Variants in CRLF2 observed in about 807,000 individuals in gnomAD.
CRLF2 encodes cytokine receptor like factor 2, also known as cytokine receptor-like factor 2.
Under a neutral mutation model 38.7 loss-of-function variants are expected in CRLF2, and 41 were observed. That is an observed-to-expected ratio of 1.06 (90% confidence interval 0.83 to 1.37). The LOEUF (loss-of-function observed/expected upper bound fraction) is 1.37, where lower values mean the gene tolerates loss of function less well. CRLF2 is among the 40% of genes most tolerant of loss of function. The pLI is 0.00. For synonymous variants in CRLF2, 140 were observed against 128.8 expected (o/e 1.09, Z -0.59); for missense variants, 377 against 322.2 (o/e 1.17, Z -1.30).
At chrX:1,209,294 T>TTGTATTGTAGTGTAGTGTAGTGTAG (rs1556425210) in intron 1 of CRLF2, among the ~76,000 whole-genome samples, 4 of 142,524 alleles carry the variant, frequency 2.8e-5, no homozygotes, top group Middle Eastern at 3.7e-3. Context: ...TTGCATTGTA[T>TTGTATTGTAGTGTAGTGTAGTGTAG]TGTAGTGTAG....
At chrX:1,198,775 A>AC in intron 4 of CRLF2, 51 bp from the exon 5 acceptor site, 2 of 1,391,898 alleles carry the variant, frequency 1.4e-6, no homozygotes, top group Non-Finnish European at 2.0e-6. Context: ...ACACACACAC[A>AC]CACACACAAT....
chrX:1,206,170 G>A (rs1400268389), intron 3 of CRLF2, among the ~76,000 whole-genome samples: 3 of 152,064 alleles, frequency 2.0e-5, no homozygotes, highest in Admixed American at 1.3e-4. Context: ...ACGGTAATAA[G>A]CTGAAGGAAG....
At chrX:1,206,045 C>T (rs1166033137) in intron 3 of CRLF2, among the ~76,000 whole-genome samples, 2 of 151,818 alleles carry the variant, frequency 1.3e-5, no homozygotes, top group African/African-American at 4.8e-5. Context: ...CATGAGATTG[C>T]TTTTCGGTAC....
In CRLF2 at chrX:1,198,701, G is replaced by T. The variant is rs746685278; in HGVS notation, c.507C>A (p.Asn169Lys). The T allele has an allele frequency of 6.3e-7, 1 of 1,596,186 alleles. No individual in the cohort carries two copies. The highest frequency in any genetic ancestry group is 8.6e-7 in the Non-Finnish European group (1 of 1,169,228). ...CGGCATCCAAGCCTTCTATGGTGAC[G>T]TTGCAGGTATTTTCCTGTTTGGACT... ...EWQSKQENTC[N>K]VTIEGLDAEK... The change falls in exon 5 of 8, where the codon AAC (asparagine) becomes AAA (lysine). Residue 169 changes from asparagine to lysine, a missense_variant. Coordinates refer to ENST00000400841, the MANE Select transcript of CRLF2 (RefSeq NM_022148.4).
At chrX:1,200,494 A>G (rs1186473562) in intron 4 of CRLF2, among the ~76,000 whole-genome samples, 1 of 151,550 alleles carries the variant, frequency 6.6e-6, no homozygotes, top group Non-Finnish European at 1.5e-5. Flanking sequence ...AGCTGTGTAT[A>G]TAAGGTGCAT....
intron 7 of CRLF2, among the ~76,000 whole-genome samples, chrX:1,192,909 G>T (rs2147820486): frequency 6.6e-6 from 1 of 150,510 alleles, no homozygotes; most frequent in East Asian, 2.0e-4. Context: ...TGCCTCCACA[G>T]TTCAAGCGAT....
intron 6 of CRLF2, among the ~76,000 whole-genome samples, chrX:1,194,706 G>T (rs2086447831): frequency 6.6e-6 from 1 of 152,018 alleles, no homozygotes; most frequent in Non-Finnish European, 1.5e-5. Context: ...ACTAGGGAGG[G>T]TTCTGTTTCA....
At chrX:1,193,092 C>T (rs2086421771) in intron 7 of CRLF2, 126 bp downstream of exon 7, 2 of 390,544 alleles carry the variant, frequency 5.1e-6, no homozygotes, top group South Asian at 1.3e-4. Flanking sequence ...GGATGACAGG[C>T]GTGAGCCACT....
chrX:1,207,129 A>G (rs570710267), intron 2 of CRLF2, among the ~76,000 whole-genome samples: 1 of 150,860 alleles, frequency 6.6e-6, no homozygotes, highest in African/African-American at 2.4e-5. Context: ...TGTTTTTAAT[A>G]GAGATGGGAT....
intron 3 of CRLF2, among the ~76,000 whole-genome samples, chrX:1,203,611 G>A (rs769179205): frequency 3.3e-5 from 5 of 151,176 alleles, no homozygotes; most frequent in East Asian, 2.0e-4. Context: ...ACATGGAGAC[G>A]GAGGCAGAGA....
intron 4 of CRLF2, among the ~76,000 whole-genome samples, chrX:1,199,675 T>C (rs1319501768): frequency 6.6e-6 from 1 of 152,094 alleles, no homozygotes; most frequent in Non-Finnish European, 1.5e-5. Flanking sequence ...TATCAGTTTA[T>C]ACATATATAG....
rs2147815488 is a variant in CRLF2 at position 1,190,988 on chromosome X, T to C, written c.1025A>G (p.Gln342Arg). Residue 342 changes from glutamine (Q) to arginine (R), a missense_variant, in exon 8 of 8, where the codon CAG (glutamine) becomes CGG (arginine). Transcript: ENST00000400841. ...GCCTTGGAGGGGCTGGTGGGGAAGC[T>C]GGAGGGATCCCCCAGAGGCCTCTTT... ...EEKEASGGSL[Q>R]LPHQPLQGGD... is the part of the protein sequence containing the mutation. 2 of 398,716 alleles carry C rather than the reference T, an allele frequency of 5.0e-6. No homozygotes were observed. The highest frequency in any genetic ancestry group is 7.1e-5 in the East Asian group (2 of 28,064). 24.7% of individuals were successfully genotyped at this position (398,716 alleles called of 1,614,324 possible). A position where few individuals can be genotyped will look rare whatever the true frequency, so the allele number is the denominator to read the frequency against.
chrX:1,204,419 A>G (rs1476605204), intron 3 of CRLF2, among the ~76,000 whole-genome samples: 4 of 150,850 alleles, frequency 2.7e-5, no homozygotes, highest in Admixed American at 6.6e-5. Flanking sequence ...ATAGAGATGG[A>G]GTTTCTCCAT....
At chrX:1,209,294 T>TTGTATTGTAGTGTAGTGTAG (rs1556425210) in intron 1 of CRLF2, among the ~76,000 whole-genome samples, 1 of 142,404 alleles carries the variant, frequency 7.0e-6, no homozygotes, top group African/African-American at 2.6e-5. Context: ...TTGCATTGTA[T>TTGTATTGTAGTGTAGTGTAG]TGTAGTGTAG....
At chrX:1,207,246 GT>G (rs1330054788) in intron 2 of CRLF2, among the ~76,000 whole-genome samples, 1 of 146,982 alleles carries the variant, frequency 6.8e-6, no homozygotes, top group Non-Finnish European at 1.5e-5. Context: ...GCGCCCGGCC[GT>G]TTTTTTATTT....
Position 1,196,829 on chromosome X carries a change from T to C in CRLF2, c.718A>G (p.Ile240Val). ...AGGAGGAGAGACACCATCAGAAGGA[T>C]GGCCAGGCTGGAAATTAAAATAAAT... is the stretch of plus-strand genomic sequence containing the variant. ...SKFILISSLA[I>V]LLMVSLLLLS... The change falls in exon 6 of 8, where the codon ATC becomes GTC. Residue 240 changes from isoleucine (I) to valine (V), a missense_variant. Coordinates refer to ENST00000400841, the MANE Select transcript of CRLF2 (RefSeq NM_022148.4). 1.9e-6 allele frequency: 3 copies of C among 1,613,598 alleles called. No homozygotes were observed. The highest frequency in any genetic ancestry group is 2.2e-5 in the South Asian group (2 of 91,070).
chrX:1,210,252 G>A (rs2086774194), intron 1 of CRLF2, among the ~76,000 whole-genome samples: 1 of 152,108 alleles, frequency 6.6e-6, no homozygotes, highest in Admixed American at 6.6e-5. Flanking sequence ...TCCGAACAGG[G>A]ACAATGGAAA....
chrX:1,191,350 T>TTTCC (rs2086376024), intron 7 of CRLF2, among the ~76,000 whole-genome samples, 190 bp from the exon 8 acceptor site: 3 of 120,280 alleles, frequency 2.5e-5, no homozygotes, highest in Non-Finnish European at 5.4e-5. Flanking sequence ...TCTTTCCTTC[T>TTTCC]TTCTTTCTTT....
At chrX:1,199,932 A>ATAT (rs1419868482) in intron 4 of CRLF2, among the ~76,000 whole-genome samples, 45,540 of 150,612 alleles carry the variant, frequency 0.3, 8,438 homozygotes, top group East Asian at 0.5. Flanking sequence ...CTGTGTATGT[A>ATAT]AGGTGTGTAT....
Sources: allele counts gnomAD v4.1 joint callset (sites outside exome capture counted in the v4.1 genomes callset), GRCh38; gene constraint gnomAD v4.1.1; transcripts MANE v1.5; gene names NCBI Gene and HGNC (gene_info 2026-07-23, HGNC 2026-07-21).